SMC4: variants seen among roughly 807,000 people sequenced by gnomAD.
The protein encoded by SMC4 is structural maintenance of chromosomes 4.
SMC4 carries 87 observed loss-of-function variants against 145.6 expected under a neutral mutation model. That is an observed-to-expected ratio of 0.60 (90% CI 0.50 to 0.71). SMC4 has a LOEUF of 0.71. Ranked by LOEUF, SMC4 falls within the 30% of genes least tolerant of loss-of-function variation. SMC4 has a pLI of 0.00. For synonymous variants in SMC4, 558 were observed against 500.7 expected (o/e 1.11, Z -1.53); for missense variants, 1,447 against 1,537.1 (o/e 0.94, Z 0.98).
intron 17 of SMC4, among the ~76,000 whole-genome samples, chr3:160,426,601 ATATATATATGTATTTTT>A (rs1717820737): frequency 6.6e-6 from 1 of 151,982 alleles, no homozygotes; most frequent in Admixed American, 6.6e-5. Context: ...AACTTAAAAT[ATATATATATGTATTTTT>A]TTTCTTTCAT....
chr3:160,400,642 C>T, intron 1 of SMC4, 180 bp from the exon 2 acceptor site: 1 of 692,540 alleles, frequency 1.4e-6, no homozygotes, highest in Non-Finnish European at 2.2e-6. Flanking sequence ...TGTTAAGAAA[C>T]CAGTCCTGCC....
At chr3:160,432,600 T>C in intron 22 of SMC4, 85 bp downstream of exon 22, 1 of 862,764 alleles carries the variant, frequency 1.2e-6, no homozygotes, top group Non-Finnish European at 1.8e-6. Flanking sequence ...AGGTAGGATG[T>C]GAAGGCAAGA....
Position 160,417,970 on chromosome 3 carries a change from T to G in SMC4, c.1671+14T>G, listed in dbSNP as rs371999419. Reference sequence around the variant, plus strand: ...GAATTAAAGGAGGTAAATCTTTGCTTCTCTGTTGCATCAGAACATCATTCG... The same window carrying G: ...GAATTAAAGGAGGTAAATCTTTGCTGCTCTGTTGCATCAGAACATCATTCG... On this transcript the variant is annotated intron_variant, in intron 11 of 23. Transcript: ENST00000357388. 6.3e-7 allele frequency: 1 copy of G among 1,589,306 alleles called. No individual in the cohort carries two copies. Among genetic ancestry groups the G allele is most frequent in the African/African-American group, 1.3e-5 (1 of 74,180 alleles).
intron 8 of SMC4, chr3:160,414,113 C>A: frequency 6.1e-6 from 3 of 489,762 alleles, no homozygotes; most frequent in South Asian, 3.3e-5. Context: ...TTTTTATATA[C>A]CTAGACATTG....
At chr3:160,413,738 C>A (rs1194936735) in intron 8 of SMC4, 125 bp downstream of exon 8, 2 of 587,768 alleles carry the variant, frequency 3.4e-6, no homozygotes, top group African/African-American at 4.0e-5. Context: ...GTGGTGGCCC[C>A]CTTAGTGAAA....
At chr3:160,428,359 C>T (rs1168238835) in intron 17 of SMC4, among the ~76,000 whole-genome samples, 1 of 152,118 alleles carries the variant, frequency 6.6e-6, no homozygotes, top group African/African-American at 2.4e-5. Context: ...GTTATGTTAG[C>T]AGAAGAAAAT....
rs1414761693 is a variant in SMC4, at chr3:160,425,969, A to AGT, written c.2479-98_2479-97dup. 19 of 815,952 alleles carry AGT rather than the reference A, an allele frequency of 2.3e-5. No homozygotes were observed. The East Asian group carries it at 4.9e-4, about 21-fold the overall frequency. The allele number at this position is 815,952 out of a possible 1,614,324, so 50.5% of individuals were successfully genotyped here. A position where few individuals can be genotyped will look rare whatever the true frequency, so the allele number is the denominator to read the frequency against. ...GGCACATATCTTTCCTCTTCCTATT[A>AGT]GTGTGTGTCTTTTTCTTGAAGATTT... On this transcript the variant is annotated intron_variant, in intron 16 of 23. Transcript: ENST00000357388.
chr3:160,400,521 A>C, intron 1 of SMC4: 3 of 319,170 alleles, frequency 9.4e-6, no homozygotes, highest in Non-Finnish European at 1.7e-5. Context: ...ATACGCTTAT[A>C]CTATGGGCGG....
chr3:160,430,478 T>C (rs962636759), intron 18 of SMC4, 121 bp from the exon 19 acceptor site: 2 of 929,136 alleles, frequency 2.2e-6, no homozygotes, highest in African/African-American at 3.4e-5. Context: ...AATCATAAAC[T>C]TAAAAATATA....
At chr3:160,416,547 G>A in intron 10 of SMC4, 132 bp downstream of exon 10, 1 of 517,966 alleles carries the variant, frequency 1.9e-6, no homozygotes, top group South Asian at 3.8e-5. Context: ...CCTAAAACTA[G>A]TCAACCTAGA....
Position 160,426,185 on chromosome 3 carries a change from A to G in SMC4, c.2590A>G (p.Ser864Gly), listed in dbSNP as rs750552471. ...KKQKLLEENV[S>G]AFKTEYDAVA... ...GCAGAAATTGCTAGAAGAAAACGTT[A>G]GTGCTTTCAAAACAGGTATGTTTAG... Residue 864 changes from serine (S) to glycine (G), a missense_variant, in exon 17 of 24, where the codon AGT becomes GGT. Coordinates refer to ENST00000357388, the MANE Select transcript of SMC4 (RefSeq NM_001002800.3). 3.1e-6 allele frequency: 5 copies of G among 1,607,868 alleles called. No individual in the cohort carries two copies. The Admixed American group carries it at 5.1e-5, about 16-fold the overall frequency.
At chr3:160,432,724 T>C (rs1364085372) in intron 22 of SMC4, 1 of 532,198 alleles carries the variant, frequency 1.9e-6, no homozygotes, top group East Asian at 3.0e-5. Flanking sequence ...AGTTCATCTT[T>C]TCTTAAATTT....
At chr3:160,414,605 G>T in intron 9 of SMC4, 88 bp downstream of exon 9, 1 of 1,185,410 alleles carries the variant, frequency 8.4e-7, no homozygotes, top group South Asian at 1.3e-5. Context: ...TTGCCTAAGA[G>T]AATGAATTAG....
chr3:160,412,746 G>A, intron 7 of SMC4: 1 of 765,418 alleles, frequency 1.3e-6, no homozygotes, highest in Non-Finnish European at 1.6e-6. Flanking sequence ...GGACTATCTG[G>A]CTGTGACACC....
At chr3:160,403,579 T>G (rs528146600) in intron 4 of SMC4, among the ~76,000 whole-genome samples, 2 of 152,240 alleles carry the variant, frequency 1.3e-5, no homozygotes, top group African/African-American at 2.4e-5. Context: ...TAATACAAAG[T>G]GCTTTAATTA....
intron 23 of SMC4, 42 bp from the exon 24 acceptor site, chr3:160,433,615 C>T: frequency 2.4e-6 from 3 of 1,233,870 alleles, no homozygotes; most frequent in South Asian, 1.5e-5. Context: ...TGTGATTTAC[C>T]TGTTATTACT....
Position 160,433,687 on chromosome 3 carries a change from A to AT in SMC4, c.3748dup (p.Ser1250PhefsTer5). On this transcript the variant is annotated frameshift_variant, in exon 24 of 24. Transcript: ENST00000357388. LOFTEE classifies it high-confidence loss of function. ...AACAAAAAATGCACAGTTCATAATA[A>AT]TTTCTCTTCGAAATAATATGTTTGA... 1.3e-6 allele frequency: 2 copies of AT among 1,578,756 alleles called. No individual in the cohort carries two copies. Among genetic ancestry groups the AT allele is most frequent in the Non-Finnish European group, 1.7e-6 (2 of 1,161,948 alleles).
At position 160,432,337 on chromosome 3, in the gene SMC4, G is replaced by A. The variant is rs1560017349; in HGVS notation, c.3352G>A (p.Asp1118Asn). Residue 1118 changes from aspartate to asparagine, a missense_variant, in exon 22 of 24, where the codon GAC becomes AAC. By Grantham distance (23) the Asp-to-Asn change is conservative (BLOSUM62 1). Coordinates refer to ENST00000357388, the MANE Select transcript of SMC4 (RefSeq NM_001002800.3). ...AELDKITYER[D>N]SFRQAYEDLR... ...ATTGGACAAAATTACTTATGAAAGAGACAGTTTTAGACAGGCATATGAAGA... is the reference window on the plus strand; with the variant it reads ...ATTGGACAAAATTACTTATGAAAGAAACAGTTTTAGACAGGCATATGAAGA... The A allele has an allele frequency of 6.2e-7, 1 of 1,613,046 alleles. No individual in the cohort carries two copies. The highest frequency in any genetic ancestry group is 8.5e-7 in the Non-Finnish European group (1 of 1,179,766).
At chr3:160,401,580 G>A (rs1215600438) in intron 2 of SMC4, among the ~76,000 whole-genome samples, 4 of 152,138 alleles carry the variant, frequency 2.6e-5, no homozygotes. Context: ...TTTAGGATAG[G>A]CAGCAGGAAA....
Sources: gnomAD v4.1 joint callset for allele counts (sites outside exome capture counted in the v4.1 genomes callset) on GRCh38, gnomAD v4.1.1 for gene constraint, MANE v1.5 for transcripts, NCBI Gene and HGNC (gene_info 2026-07-23, HGNC 2026-07-21) for gene names.